Variants in OPCML observed in about 807,000 individuals in gnomAD.
OPCML encodes opioid-binding protein/cell adhesion molecule.
Under a neutral mutation model 37.8 loss-of-function variants are expected in OPCML, and 13 were observed. That is an observed-to-expected ratio of 0.34 (90% CI 0.22 to 0.55). The LOEUF (loss-of-function observed/expected upper bound fraction) is 0.55, where lower values mean the gene tolerates loss of function less well. OPCML is among the 20% of genes least tolerant of loss of function. The pLI, the probability that OPCML is intolerant of heterozygous loss-of-function variation, is 0.91. For missense variants in OPCML, 341 were observed against 435.6 expected (o/e 0.78, Z 1.93); for synonymous variants, 176 against 168.8 (o/e 1.04, Z -0.33).
Position 132,600,584 on chromosome 11 carries a change from C to T in OPCML, c.379+56503G>A, listed in dbSNP as rs1030730672. Among the ~76,000 whole-genome samples, 9 of 152,096 alleles carry T rather than the reference C, an allele frequency of 5.9e-5. No homozygotes were observed. The South Asian group carries it at 1.4e-3, about 24-fold the overall frequency. On this transcript the variant is annotated intron_variant, in intron 3 of 7. Coordinates refer to ENST00000524381, the MANE Select transcript of OPCML (RefSeq NM_001012393.5). ...GTACATTTTCAACTCCTTTGTACAC[C>T]GACTGACTAGTCTGCAACCCTGATA...
intron 3 of OPCML, among the ~76,000 whole-genome samples, chr11:132,585,142 T>G (rs990204812): frequency 2.1e-5 from 3 of 144,654 alleles, no homozygotes; most frequent in Non-Finnish European, 4.4e-5. Context: ...TCTCCACTTT[T>G]GGTCAACCTC....
rs180969329 is a variant in OPCML, at chr11:133,311,954, C to T, written c.61+220310G>A. Among the ~76,000 whole-genome samples, 4 of 152,124 alleles carry T rather than the reference C, an allele frequency of 2.6e-5. No homozygotes were observed. In the East Asian group the frequency reaches 7.7e-4, roughly 29 times the overall value. ...ATGGAACAGACTTGATGTTGAGGCC[C>T]ATCATTCACTGCAGGGGCTTTATTC... On this transcript the variant is annotated intron_variant, in intron 1 of 7. Transcript: ENST00000524381.
rs75887075 is a variant in OPCML at position 133,528,402 on chromosome 11, T to G, written c.61+3862A>C. ...ACCAGATGCTCTGTCCTTGTTCCTA[T>G]CTCTTTCTTAGTGAGTCTGGCGCGT... On this transcript the variant is annotated intron_variant, in intron 1 of 7. Transcript: ENST00000524381. Among the ~76,000 whole-genome samples the G allele has an allele frequency of 4.7e-3, 713 of 152,342 alleles. 4 individuals are homozygous for G. The highest frequency in any genetic ancestry group is 0.016 in the African/African-American group (680 of 41,586).
intron 1 of OPCML, among the ~76,000 whole-genome samples, chr11:133,265,248 T>TG (rs780007464): frequency 1.2e-4 from 18 of 151,972 alleles, no homozygotes; most frequent in African/African-American, 1.9e-4. Flanking sequence ...GAGGAAGAAG[T>TG]GGGGTGGGAT....
intron 1 of OPCML, chr11:133,418,115 A>G (rs1945807370): frequency 3.0e-6 from 3 of 985,402 alleles, no homozygotes; most frequent in South Asian, 9.4e-5. Flanking sequence ...TGGTAAGAAT[A>G]TGGCGTGAAG....
intron 1 of OPCML, chr11:133,008,883 T>C (rs538020377): frequency 1.0e-6 from 1 of 985,364 alleles, no homozygotes; most frequent in South Asian, 4.7e-5. Flanking sequence ...ACCTAATATA[T>C]CTGGTCATAT....
intron 1 of OPCML, among the ~76,000 whole-genome samples, chr11:133,199,427 G>A (rs11826488): frequency 0.13 from 19,137 of 152,102 alleles, 1,439 homozygotes; most frequent in Admixed American, 0.19. Flanking sequence ...ACAGTTCAGT[G>A]CTTCAACATA....
intron 1 of OPCML, among the ~76,000 whole-genome samples, chr11:133,436,864 A>G (rs2136928402): frequency 6.6e-6 from 1 of 152,310 alleles, no homozygotes; most frequent in Admixed American, 6.5e-5. Context: ...CTTAGGACTC[A>G]GGGGTATGAT....
chr11:133,528,920 G>T (rs973046590), intron 1 of OPCML, among the ~76,000 whole-genome samples: 2 of 152,218 alleles, frequency 1.3e-5, no homozygotes, highest in African/African-American at 4.8e-5. Context: ...GAGCAAAGAA[G>T]TCTTCCAAGT....
At chr11:132,666,070 A>G (rs1942202468) in intron 2 of OPCML, among the ~76,000 whole-genome samples, 1 of 152,196 alleles carries the variant, frequency 6.6e-6, no homozygotes, top group African/African-American at 2.4e-5. Flanking sequence ...AGGTAGCAAT[A>G]TGCAATACAC....
chr11:133,019,056 T>G (rs540258611), intron 1 of OPCML, among the ~76,000 whole-genome samples: 2 of 152,196 alleles, frequency 1.3e-5, no homozygotes, highest in Admixed American at 6.5e-5. Context: ...CTGTGAGTGA[T>G]TATGATCTCT....
intron 1 of OPCML, among the ~76,000 whole-genome samples, chr11:132,989,604 T>C (rs1175218061): frequency 1.0e-4 from 1 of 9,534 alleles, no homozygotes; most frequent in Non-Finnish European, 1.8e-4. Flanking sequence ...TCCTAGAGCG[T>C]GTGTGTGTGT....
intron 2 of OPCML, among the ~76,000 whole-genome samples, chr11:132,895,477 C>T (rs765861060): frequency 1.7e-4 from 26 of 152,148 alleles, no homozygotes; most frequent in South Asian, 4.1e-4. Flanking sequence ...CAAACAAGAG[C>T]GCTTATCATA....
chr11:132,610,804 CCTT>C (rs1938592967), intron 3 of OPCML, among the ~76,000 whole-genome samples: 1 of 152,210 alleles, frequency 6.6e-6, no homozygotes, highest in African/African-American at 2.4e-5. Flanking sequence ...ACCTCAACCT[CCTT>C]GAGTCACTGG....
chr11:132,794,726 G>T (rs1938191238), intron 2 of OPCML, among the ~76,000 whole-genome samples: 1 of 152,164 alleles, frequency 6.6e-6, no homozygotes, highest in East Asian at 1.9e-4. Flanking sequence ...CCCATACAAA[G>T]ATGTGACTAC....
chr11:132,741,864 T>TAA (rs199920599), intron 2 of OPCML, among the ~76,000 whole-genome samples: 1 of 151,138 alleles, frequency 6.6e-6, no homozygotes, highest in African/African-American at 2.4e-5. Context: ...CCGTCTCTAC[T>TAA]AAAAAAAACA....
intron 1 of OPCML, among the ~76,000 whole-genome samples, chr11:133,521,145 C>T (rs897685111): frequency 2.0e-5 from 3 of 152,190 alleles, no homozygotes; most frequent in African/African-American, 7.2e-5. Flanking sequence ...CACAGCACTT[C>T]GGAAGGGGTG....
chr11:132,788,924 T>G (rs1379091975), intron 2 of OPCML, among the ~76,000 whole-genome samples: 1 of 152,150 alleles, frequency 6.6e-6, no homozygotes, highest in Non-Finnish European at 1.5e-5. Flanking sequence ...CCAATCTCTG[T>G]TTTTACCAGG....
chr11:132,507,424 G>T (rs775098007), intron 4 of OPCML, among the ~76,000 whole-genome samples: 22 of 151,652 alleles, frequency 1.5e-4, no homozygotes, highest in Non-Finnish European at 2.7e-4. Flanking sequence ...ATAACTATAG[G>T]TATATTCAAT....
Sources: gnomAD v4.1 joint callset for allele counts (sites outside exome capture counted in the v4.1 genomes callset) on GRCh38, gnomAD v4.1.1 for gene constraint, MANE v1.5 for transcripts, NCBI Gene and HGNC (gene_info 2026-07-23, HGNC 2026-07-21) for gene names.